GRID2: variants seen among roughly 807,000 people sequenced by gnomAD.
The protein encoded by GRID2 is glutamate ionotropic receptor delta type subunit 2, also known as glutamate receptor ionotropic, delta-2.
GRID2 carries 33 observed loss-of-function variants against 114.8 expected under a neutral mutation model. The observed-to-expected ratio is 0.29, with a 90% CI of 0.22 to 0.38. The LOEUF (loss-of-function observed/expected upper bound fraction) is 0.38. Among genes scored for constraint, GRID2 ranks in the 10% least tolerant of loss-of-function variants. GRID2 has a pLI of 1.00. For synonymous variants in GRID2, 505 were observed against 449.9 expected, an observed-to-expected ratio of 1.12 and a Z score of -1.55; for missense variants, 1,184 against 1,257.7, an observed-to-expected ratio of 0.94 and a Z score of 0.89.
At chr4:92,693,236 C>T (rs1734265036) in intron 2 of GRID2, among the ~76,000 whole-genome samples, 2 of 151,988 alleles carry the variant, frequency 1.3e-5, no homozygotes, top group Admixed American at 1.3e-4. Flanking sequence ...ATCCAGTGAC[C>T]TTTCCTGATT....
intron 2 of GRID2, among the ~76,000 whole-genome samples, chr4:92,982,254 T>C (rs760839395): frequency 6.6e-6 from 1 of 151,998 alleles, no homozygotes; most frequent in Non-Finnish European, 1.5e-5. Context: ...ACATTAGCTC[T>C]TGATATTTGT....
At chr4:93,782,482 C>T (rs1003464026) in intron 1 of GRID2, among the ~76,000 whole-genome samples, 1 of 152,110 alleles carries the variant, frequency 6.6e-6, no homozygotes, top group African/African-American at 2.4e-5. Flanking sequence ...CAGAAAGCAT[C>T]CACTAACACA....
intron 1 of GRID2, among the ~76,000 whole-genome samples, chr4:92,428,636 A>G (rs1732279831): frequency 6.6e-6 from 1 of 152,170 alleles, no homozygotes; most frequent in Admixed American, 6.6e-5. Context: ...GCTAATAAGA[A>G]CATGTAAGTA....
chr4:93,099,148 G>A (rs1218876833), intron 3 of GRID2, among the ~76,000 whole-genome samples: 1 of 151,760 alleles, frequency 6.6e-6, no homozygotes, highest in Non-Finnish European at 1.5e-5. Flanking sequence ...ACCACCCTGA[G>A]TTACATGATG....
intron 14 of GRID2, among the ~76,000 whole-genome samples, chr4:93,652,761 A>G (rs1722686577): frequency 6.9e-6 from 1 of 145,946 alleles, no homozygotes; most frequent in African/African-American, 2.6e-5. Flanking sequence ...CAGTCGATGA[A>G]TGACAGTAAA....
chr4:92,391,471 CTTA>C (rs1254384567), intron 1 of GRID2, among the ~76,000 whole-genome samples: 4 of 152,054 alleles, frequency 2.6e-5, no homozygotes, highest in African/African-American at 9.6e-5. Context: ...TGGCATTGCT[CTTA>C]TTATAGCTAC....
chr4:93,560,979 G>A (rs1734868813), intron 13 of GRID2, among the ~76,000 whole-genome samples: 1 of 150,482 alleles, frequency 6.6e-6, no homozygotes. Flanking sequence ...TTTCTCTTGA[G>A]TGAGCTTCCT....
At chr4:93,589,223 C>A (rs1275047041) in intron 13 of GRID2, among the ~76,000 whole-genome samples, 2 of 134,722 alleles carry the variant, frequency 1.5e-5, no homozygotes, top group South Asian at 5.1e-4. Context: ...CACAACAGTC[C>A]CCAGTGTGTG....
intron 13 of GRID2, among the ~76,000 whole-genome samples, chr4:93,618,674 T>G (rs531412041): frequency 6.4e-4 from 97 of 152,314 alleles, no homozygotes; most frequent in African/African-American, 2.3e-3. Flanking sequence ...CCGGAGGACT[T>G]GGGAGCCACA....
chr4:93,776,656 A>T (rs998985937), downstream of GRID2, among the ~76,000 whole-genome samples: 1 of 152,186 alleles, frequency 6.6e-6, no homozygotes, highest in Admixed American at 6.5e-5. Context: ...GGACCAATTC[A>T]TCTTAGTAGT....
At chr4:93,256,404 C>A (rs1749588882) in intron 8 of GRID2, among the ~76,000 whole-genome samples, 1 of 138,636 alleles carries the variant, frequency 7.2e-6, no homozygotes, top group African/African-American at 2.7e-5. Context: ...GGTTTTTTAG[C>A]GAAAGTGTGA....
chr4:93,786,764 G>T (rs1734602422), intron 1 of GRID2, among the ~76,000 whole-genome samples: 1 of 152,200 alleles, frequency 6.6e-6, no homozygotes, highest in Admixed American at 6.5e-5. Flanking sequence ...CTCAGCTGAG[G>T]TTAGAGGTCA....
intron 2 of GRID2, among the ~76,000 whole-genome samples, chr4:92,655,221 G>T (rs775911295): frequency 5.3e-5 from 8 of 151,648 alleles, no homozygotes; most frequent in Non-Finnish European, 8.8e-5. Flanking sequence ...TTTATTTCTG[G>T]GTTCTCTATT....
intron 8 of GRID2, among the ~76,000 whole-genome samples, chr4:93,394,334 C>G (rs532859104): frequency 9.9e-5 from 15 of 152,066 alleles, no homozygotes; most frequent in African/African-American, 3.4e-4. Flanking sequence ...AATTAGCAGC[C>G]TTTTCCAAAT....
chr4:92,932,068 G>A (rs1302209362), intron 2 of GRID2, among the ~76,000 whole-genome samples: 1 of 151,036 alleles, frequency 6.6e-6, no homozygotes, highest in Non-Finnish European at 1.5e-5. Flanking sequence ...GAAGCATCAA[G>A]CATGAAAAAA....
At chr4:93,183,126 C>T (rs369091359) in intron 4 of GRID2, among the ~76,000 whole-genome samples, 5 of 152,068 alleles carry the variant, frequency 3.3e-5, no homozygotes, top group African/African-American at 1.2e-4. Flanking sequence ...CCAGAAATTC[C>T]TAAAATTTAG....
chr4:92,474,309 T>C (rs1431931593), intron 1 of GRID2, among the ~76,000 whole-genome samples: 1 of 152,116 alleles, frequency 6.6e-6, no homozygotes, highest in African/African-American at 2.4e-5. Context: ...CTTAGCATAA[T>C]GTCCTCCAGT....
At chr4:92,987,942 A>G (rs1293720637) in intron 2 of GRID2, among the ~76,000 whole-genome samples, 1 of 152,166 alleles carries the variant, frequency 6.6e-6, no homozygotes, top group Non-Finnish European at 1.5e-5. Flanking sequence ...GAGGGATTTC[A>G]GTGATATGAC....
At chr4:93,622,663 C>T (rs1430347744) in intron 13 of GRID2, among the ~76,000 whole-genome samples, 2 of 152,126 alleles carry the variant, frequency 1.3e-5, no homozygotes, top group Non-Finnish European at 2.9e-5. Flanking sequence ...TTGTCTGTTT[C>T]AATACCTCAT....
Sources: allele counts gnomAD v4.1 joint callset (sites outside exome capture counted in the v4.1 genomes callset), GRCh38; gene constraint gnomAD v4.1.1; transcripts MANE v1.5; gene names NCBI Gene and HGNC (gene_info 2026-07-23, HGNC 2026-07-21).